Variants in CHSY3 observed in about 807,000 individuals in gnomAD.
The protein encoded by CHSY3 is N-acetylgalactosaminyl-proteoglycan 3-beta-glucuronosyltransferase 3.
A neutral mutation model predicts 67.2 loss-of-function variants in CHSY3; 35 were observed. That is an observed-to-expected ratio of 0.52 (90% CI 0.40 to 0.69). The LOEUF (loss-of-function observed/expected upper bound fraction) is 0.69. Ranked by LOEUF, CHSY3 falls within the 30% of genes least tolerant of loss-of-function variation. CHSY3 has a pLI of 0.00. For missense variants in CHSY3, 1,069 were observed against 1,138.5 expected, an observed-to-expected ratio of 0.94 and a Z score of 0.88; for synonymous variants, 474 against 434.7, an observed-to-expected ratio of 1.09 and a Z score of -1.12.
intron 2 of CHSY3, among the ~76,000 whole-genome samples, chr5:129,976,964 T>C (rs1160762630): frequency 6.6e-6 from 1 of 151,688 alleles, no homozygotes; most frequent in African/African-American, 2.4e-5. Flanking sequence ...GTTCATTTTT[T>C]AAGTTTTGCT....
intron 2 of CHSY3, among the ~76,000 whole-genome samples, chr5:130,082,503 C>T (rs1011876003): frequency 9.9e-5 from 15 of 151,936 alleles, no homozygotes; most frequent in African/African-American, 2.4e-4. Context: ...TTTCTCTTAA[C>T]GATGTAAGCA....
intron 2 of CHSY3, among the ~76,000 whole-genome samples, chr5:130,027,045 C>T (rs1472376308): frequency 6.6e-6 from 1 of 152,096 alleles, no homozygotes; most frequent in African/African-American, 2.4e-5. Flanking sequence ...CCCTTGCAGC[C>T]TCTAGGAACA....
chr5:130,009,623 T>C (rs543975844), intron 2 of CHSY3, among the ~76,000 whole-genome samples: 1 of 152,084 alleles, frequency 6.6e-6, no homozygotes, highest in East Asian at 1.9e-4. Flanking sequence ...GATGACAGGA[T>C]CAAATACACA....
Position 129,905,641 on chromosome 5 carries a change from C to A in CHSY3, c.802+10C>A. The A allele has an allele frequency of 1.2e-6, 2 of 1,610,006 alleles. No individual in the cohort carries two copies. Among genetic ancestry groups the A allele is most frequent in the Non-Finnish European group, 1.7e-6 (2 of 1,177,600 alleles). On this transcript the variant is annotated intron_variant, in intron 1 of 2. Transcript: ENST00000305031. ...GATGTCTACATCAAAGGTGACCTCC[C>A]TGCGCCGGCTTTCCAGCCTGCCAGT...
intron 2 of CHSY3, among the ~76,000 whole-genome samples, chr5:130,040,911 A>T (rs1383287851): frequency 6.6e-6 from 1 of 152,108 alleles, no homozygotes; most frequent in Admixed American, 6.6e-5. Flanking sequence ...AAGAGAAAAT[A>T]CTGTTTAGTA....
At chr5:130,156,599 C>T (rs1299556529) in intron 2 of CHSY3, among the ~76,000 whole-genome samples, 6 of 152,340 alleles carry the variant, frequency 3.9e-5, no homozygotes, top group Admixed American at 1.3e-4. Flanking sequence ...GGAGTTCAAA[C>T]ATATCATGCT....
At chr5:130,033,853 CAA>C (rs1453941830) in intron 2 of CHSY3, among the ~76,000 whole-genome samples, 2 of 152,072 alleles carry the variant, frequency 1.3e-5, no homozygotes, top group Non-Finnish European at 2.9e-5. Flanking sequence ...TAGTACAAAT[CAA>C]GAGAGTAAAT....
intron 2 of CHSY3, among the ~76,000 whole-genome samples, chr5:130,063,655 C>T (rs746777596): frequency 4.7e-4 from 72 of 152,138 alleles, no homozygotes; most frequent in Non-Finnish European, 9.3e-4. Context: ...ATACCACAGA[C>T]TGGATAATTT....
rs570793211 is a variant in CHSY3 at position 129,929,213 on chromosome 5, T to C, written c.1086+20853T>C. ...TTTTAGCATTCTCTCTACTAGACAG[T>C]TGGAGCTAGAGTCACTTTGTTGTTC... On this transcript the variant is annotated intron_variant, in intron 2 of 2. Transcript: ENST00000305031. 2.6e-5 allele frequency among the ~76,000 whole-genome samples: 4 copies of C among 152,268 alleles called. No individual in the cohort carries two copies. The South Asian group carries it at 8.3e-4, about 32-fold the overall frequency.
intron 2 of CHSY3, among the ~76,000 whole-genome samples, chr5:129,916,082 G>A (rs1760721707): frequency 1.3e-5 from 2 of 152,180 alleles, no homozygotes; most frequent in Admixed American, 6.5e-5. Context: ...TGGTCATAGT[G>A]TACTATTATT....
At chr5:130,138,952 T>C (rs1378305646) in intron 2 of CHSY3, among the ~76,000 whole-genome samples, 2 of 152,168 alleles carry the variant, frequency 1.3e-5, no homozygotes, top group African/African-American at 2.4e-5. Context: ...GTGGTTATCA[T>C]AGAGTGTATT....
rs1349639681 is a variant in CHSY3, at chr5:129,905,511, G to T, written c.682G>T (p.Gly228Cys). 1 of 1,613,298 alleles carries T rather than the reference G, an allele frequency of 6.2e-7. No homozygotes were observed. The highest frequency in any genetic ancestry group is 1.3e-5 in the African/African-American group (1 of 75,024). Residue 228 changes from glycine to cysteine, a missense_variant, in exon 1 of 3, where the codon GGT becomes TGT. By Grantham distance (159) the Gly-to-Cys change is radical. Transcript: ENST00000305031. ...ACCCCTGCCTGTCATCGCGCTACCG[G>T]GTGTGGACGACTCCTATCCTCCCCA... ...PPPLPVIALP[G>C]VDDSYPPQKK... is the part of the protein sequence containing the mutation.
chr5:130,156,828 G>A (rs1372530653), intron 2 of CHSY3, among the ~76,000 whole-genome samples: 1 of 152,178 alleles, frequency 6.6e-6, no homozygotes, highest in Non-Finnish European at 1.5e-5. Flanking sequence ...TATGACAACA[G>A]TATGGAAACT....
intron 2 of CHSY3, among the ~76,000 whole-genome samples, chr5:129,998,941 A>G (rs1031343386): frequency 1.3e-5 from 2 of 152,024 alleles, no homozygotes; most frequent in Non-Finnish European, 2.9e-5. Flanking sequence ...ACTCTTTTCT[A>G]TTAACCCTTT....
rs990089576 is a variant in CHSY3, at chr5:130,120,056, T to G, written c.1087-64173T>G. Among the ~76,000 whole-genome samples, 6 of 152,148 alleles carry G rather than the reference T, an allele frequency of 3.9e-5. No homozygotes were observed. The East Asian group carries it at 1.2e-3, about 29-fold the overall frequency. ...ATTTAAACATTAAATTTAAAAAGCA[T>G]AAATTAAACTATCAAACCCATCCAT... On this transcript the variant is annotated intron_variant, in intron 2 of 2. Transcript: ENST00000305031.
chr5:129,953,342 G>A (rs1762079347), intron 2 of CHSY3, among the ~76,000 whole-genome samples: 1 of 152,092 alleles, frequency 6.6e-6, no homozygotes, highest in African/African-American at 2.4e-5. Context: ...GTATTCTGTG[G>A]TGTATATGAG....
chr5:130,088,342 G>A (rs1485464391), intron 2 of CHSY3, among the ~76,000 whole-genome samples: 1 of 147,462 alleles, frequency 6.8e-6, no homozygotes, highest in East Asian at 1.9e-4. Context: ...CAAAAGCAAT[G>A]GCAACAAAAG....
rs1766575492 is a variant in CHSY3 at position 130,085,230 on chromosome 5, A to G, written c.1087-98999A>G. On this transcript the variant is annotated intron_variant, in intron 2 of 2. Coordinates refer to ENST00000305031, the MANE Select transcript of CHSY3 (RefSeq NM_175856.5). ...TAAATATATACAATTATTATTTGTCAATAAAAACTAAAATTTGTAAAACTT... is the reference window on the plus strand; with the variant it reads ...TAAATATATACAATTATTATTTGTCGATAAAAACTAAAATTTGTAAAACTT... 3.3e-5 allele frequency among the ~76,000 whole-genome samples: 5 copies of G among 152,068 alleles called. 1 individual carries two copies. Among genetic ancestry groups the G allele is most frequent in the Admixed American group, 3.3e-4 (5 of 15,232 alleles).
chr5:130,137,258 A>G (rs143747942), intron 2 of CHSY3, among the ~76,000 whole-genome samples: 41 of 152,280 alleles, frequency 2.7e-4, no homozygotes, highest in Middle Eastern at 3.4e-3. Flanking sequence ...ATACAACCAA[A>G]ATACATCTTC....
Sources: allele counts gnomAD v4.1 joint callset (sites outside exome capture counted in the v4.1 genomes callset), GRCh38; gene constraint gnomAD v4.1.1; transcripts MANE v1.5; gene names NCBI Gene and HGNC (gene_info 2026-07-23, HGNC 2026-07-21).